The following ROBO2 variants were observed in gnomAD, a reference collection of about 807,000 sequenced individuals.
The protein encoded by ROBO2 is roundabout guidance receptor 2, also known as roundabout homolog 2.
In ROBO2, 53 loss-of-function variants were observed where a neutral mutation model predicts 160.8. The ratio of observed to expected loss-of-function variants is 0.33; its 90% CI spans 0.26 to 0.41. The LOEUF is 0.41. Among genes scored for constraint, ROBO2 ranks in the 10% least tolerant of loss-of-function variants. ROBO2 has a pLI of 1.00. For missense variants in ROBO2, 1,577 were observed against 1,722.4 expected (o/e 0.92, Z 1.49); for synonymous variants, 664 against 611.7 (o/e 1.09, Z -1.26).
At chr3:75,983,925 T>G (rs967476316) in intron 2 of ROBO2, among the ~76,000 whole-genome samples, 2 of 151,508 alleles carry the variant, frequency 1.3e-5, no homozygotes, top group African/African-American at 4.8e-5. Flanking sequence ...CTAAGCTGAT[T>G]AGACACAATC....
chr3:77,111,051 T>A (rs2150178183), intron 2 of ROBO2, among the ~76,000 whole-genome samples: 1 of 152,258 alleles, frequency 6.6e-6, no homozygotes, highest in East Asian at 1.9e-4. Context: ...GTCTAGAATT[T>A]GGTGAAGAAT....
intron 2 of ROBO2, among the ~76,000 whole-genome samples, chr3:76,758,446 AG>A (rs2061111505): frequency 6.6e-6 from 1 of 151,772 alleles, no homozygotes; most frequent in African/African-American, 2.4e-5. Flanking sequence ...GTGTATTCTC[AG>A]GTTTTGTCCT....
intron 2 of ROBO2, among the ~76,000 whole-genome samples, chr3:77,210,695 G>A (rs1257751899): frequency 6.6e-6 from 1 of 152,070 alleles, no homozygotes; most frequent in African/African-American, 2.4e-5. Context: ...CCATTAACTG[G>A]TCATTTAACA....
At chr3:77,425,077 G>T (rs917043172) in intron 2 of ROBO2, among the ~76,000 whole-genome samples, 11 of 151,840 alleles carry the variant, frequency 7.2e-5, no homozygotes, top group African/African-American at 2.7e-4. Context: ...ATATTTGAGT[G>T]AAAGGCAAAT....
chr3:77,637,242 TAC>T (rs766106392), intron 24 of ROBO2, among the ~76,000 whole-genome samples: 42 of 152,308 alleles, frequency 2.8e-4, no homozygotes, highest in Non-Finnish European at 4.0e-4. Flanking sequence ...TTAGCACACT[TAC>T]ACTTATCATT....
chr3:77,267,565 AG>A (rs1290258605), intron 2 of ROBO2, among the ~76,000 whole-genome samples: 4 of 152,180 alleles, frequency 2.6e-5, no homozygotes, highest in African/African-American at 9.7e-5. Flanking sequence ...TGATTATGGG[AG>A]GCAATTCTAG....
At chr3:77,051,488 C>T (rs2065222688) in intron 1 of ROBO2, among the ~76,000 whole-genome samples, 1 of 152,164 alleles carries the variant, frequency 6.6e-6, no homozygotes, top group Non-Finnish European at 1.5e-5. Context: ...AACTGTAGCA[C>T]CTGTGATGTT....
intron 2 of ROBO2, among the ~76,000 whole-genome samples, chr3:76,846,216 A>T (rs2068761145): frequency 6.6e-6 from 1 of 152,144 alleles, no homozygotes. Context: ...TATCATAAGG[A>T]TATATATTCC....
intron 2 of ROBO2, among the ~76,000 whole-genome samples, chr3:77,295,371 G>C (rs1290661687): frequency 6.6e-6 from 1 of 150,412 alleles, no homozygotes; most frequent in Non-Finnish European, 1.5e-5. Context: ...ATGGTTAAAT[G>C]GGTAAGCTGA....
chr3:75,997,228 A>G (rs1433239044), intron 2 of ROBO2, among the ~76,000 whole-genome samples: 5 of 152,168 alleles, frequency 3.3e-5, no homozygotes, highest in Non-Finnish European at 7.4e-5. Flanking sequence ...GGATTCACTC[A>G]ATTATATCCT....
At position 76,811,860 on chromosome 3, in the gene ROBO2, TCC is replaced by T. The variant is rs1429522253; in HGVS notation, c.110-286153_110-286152del. 7.1e-5 allele frequency among the ~76,000 whole-genome samples: 10 copies of T among 139,926 alleles called. No homozygotes were observed. In the South Asian group the frequency reaches 9.4e-4, roughly 13 times the overall value. The allele number at this position is 139,926 out of a possible 152,430, so 91.8% of individuals were successfully genotyped here. A position where few individuals can be genotyped will look rare whatever the true frequency, so the allele number is the denominator to read the frequency against. ...TTCTTTCCTTCCTTCCTTCCTTCCT[TCC>T]TTCCTTCCTTCCTTCCTTCCTTTTT... On this transcript the variant is annotated intron_variant, in intron 2 of 26. Transcript: ENST00000487694.
intron 2 of ROBO2, among the ~76,000 whole-genome samples, chr3:76,081,018 CT>C (rs991610934): frequency 5.3e-5 from 8 of 152,046 alleles, no homozygotes; most frequent in African/African-American, 1.9e-4. Flanking sequence ...TATAGCTCCT[CT>C]TTTAAAAAGA....
chr3:77,270,948 A>T lies in ROBO2; in HGVS notation c.388+172608A>T, dbSNP rs866184443. Among the ~76,000 whole-genome samples the T allele has an allele frequency of 3.0e-3, 425 of 143,078 alleles. 4 individuals carry two copies. The highest frequency in any genetic ancestry group is 0.011 in the South Asian group (48 of 4,416). The allele number at this position is 143,078 out of a possible 152,430, so 93.9% of individuals were successfully genotyped here. On this transcript the variant is annotated intron_variant, in intron 2 of 25. Transcript: ENST00000461745. ...ACAGAGCAATACTCTGTCTTTTTAA[A>T]AAAAAAAAAAAACGGTTTCTATGTC... is the stretch of plus-strand genomic sequence containing the variant.
chr3:76,423,020 A>C (rs1163186560), intron 2 of ROBO2, among the ~76,000 whole-genome samples: 1 of 152,162 alleles, frequency 6.6e-6, no homozygotes, highest in African/African-American at 2.4e-5. Context: ...CCCATATAGG[A>C]GAGGAGTTTG....
rs142155853 is a variant in ROBO2, at chr3:76,512,164, C to G, written c.109+574562C>G. Reference sequence around the variant, plus strand: ...ACTCTGGGAGAAACATTTTTAAAAGCCTTCCTGAAAAATCTCTCCTTATCT... The same window carrying G: ...ACTCTGGGAGAAACATTTTTAAAAGGCTTCCTGAAAAATCTCTCCTTATCT... On this transcript the variant is annotated intron_variant, in intron 2 of 26. Transcript: ENST00000487694. Among the ~76,000 whole-genome samples, 711 of 151,932 alleles carry G rather than the reference C, an allele frequency of 4.7e-3. 4 individuals are homozygous for G. The highest frequency in any genetic ancestry group is 7.4e-3 in the Non-Finnish European group (501 of 67,988).
intron 2 of ROBO2, among the ~76,000 whole-genome samples, chr3:77,207,664 A>T (rs772958168): frequency 7.2e-5 from 11 of 152,140 alleles, no homozygotes; most frequent in Non-Finnish European, 1.2e-4. Flanking sequence ...TCCAATGGGG[A>T]TGATGTGCAG....
At chr3:76,259,045 G>A (rs1706575330) in intron 2 of ROBO2, among the ~76,000 whole-genome samples, 2 of 152,108 alleles carry the variant, frequency 1.3e-5, no homozygotes, top group Admixed American at 1.3e-4. Context: ...CTAAGACTGA[G>A]TATTATTTTT....
At chr3:76,647,608 C>G (rs1257417957) in intron 2 of ROBO2, among the ~76,000 whole-genome samples, 2 of 152,148 alleles carry the variant, frequency 1.3e-5, no homozygotes, top group South Asian at 2.1e-4. Flanking sequence ...AACCTTGAGG[C>G]AAAAATGGTG....
intron 2 of ROBO2, among the ~76,000 whole-genome samples, chr3:77,428,299 T>C (rs1179845229): frequency 6.6e-6 from 1 of 151,812 alleles, no homozygotes; most frequent in Non-Finnish European, 1.5e-5. Flanking sequence ...TAAAATGTAA[T>C]ATTTTGTGTT....
Sources: gnomAD v4.1 joint callset for allele counts (sites outside exome capture counted in the v4.1 genomes callset) on GRCh38, gnomAD v4.1.1 for gene constraint, MANE v1.5 for transcripts, NCBI Gene and HGNC (gene_info 2026-07-23, HGNC 2026-07-21) for gene names.